The following PRRX1 variants were observed in gnomAD, a reference collection of about 807,000 sequenced individuals.
PRRX1 encodes the protein paired mesoderm homeobox protein 1.
In PRRX1, 8 loss-of-function variants were observed where a neutral mutation model predicts 24.0. The ratio of observed to expected loss-of-function variants is 0.33; its 90% CI spans 0.20 to 0.60. The LOEUF is 0.60. Among genes scored for constraint, PRRX1 ranks in the 20% least tolerant of loss-of-function variants. PRRX1 has a pLI of 0.82. For missense variants in PRRX1, 281 were observed against 322.4 expected (o/e 0.87, Z 0.98); for synonymous variants, 160 against 131.7 (o/e 1.22, Z -1.47).
chr1:170,708,801 G>A (rs554044583), intron 1 of PRRX1, among the ~76,000 whole-genome samples: 5 of 152,270 alleles, frequency 3.3e-5, no homozygotes, highest in African/African-American at 9.6e-5. Context: ...CACTGAGAAA[G>A]TGCATGAGAA....
Position 170,676,502 on chromosome 1 carries a change from G to C in PRRX1, c.241+12043G>C, listed in dbSNP as rs192707729. ...CATTTCAGCTGAATTAATATACTCA[G>C]ACTGCTGGTTTATTTAGATGACTTA... On this transcript the variant is annotated intron_variant, in intron 1 of 3. Coordinates refer to ENST00000239461, the MANE Select transcript of PRRX1 (RefSeq NM_022716.4). Among the ~76,000 whole-genome samples the C allele has an allele frequency of 2.7e-3, 412 of 151,816 alleles. 2 individuals are homozygous for C. The highest frequency in any genetic ancestry group is 9.4e-3 in the African/African-American group (389 of 41,400).
Position 170,705,010 on chromosome 1 carries a change from C to T in PRRX1, c.242-14716C>T, listed in dbSNP as rs150290298. ...TTTGAAATGTACACTGCAAAGAGTT[C>T]CAAAGGCACACATGTTATTTGGGTC... On this transcript the variant is annotated intron_variant, in intron 1 of 3. Coordinates refer to ENST00000239461, the MANE Select transcript of PRRX1 (RefSeq NM_022716.4). Among the ~76,000 whole-genome samples, 1,119 of 152,234 alleles carry T rather than the reference C, an allele frequency of 7.4e-3. 10 individuals are homozygous for T. The highest frequency in any genetic ancestry group is 0.026 in the African/African-American group (1,079 of 41,528).
intron 1 of PRRX1, among the ~76,000 whole-genome samples, chr1:170,717,171 C>A (rs1372695184): frequency 2.0e-5 from 3 of 152,202 alleles, no homozygotes; most frequent in African/African-American, 7.2e-5. Flanking sequence ...ACAACAAGAA[C>A]ATTCACTGGG....
chr1:170,699,929 C>T (rs554978044), intron 1 of PRRX1, among the ~76,000 whole-genome samples: 7 of 152,082 alleles, frequency 4.6e-5, no homozygotes, highest in Admixed American at 6.5e-5. Flanking sequence ...AGAGATGGGG[C>T]GAGGCTGGTC....
At chr1:170,675,590 G>C (rs1368340892) in intron 1 of PRRX1, among the ~76,000 whole-genome samples, 2 of 152,154 alleles carry the variant, frequency 1.3e-5, no homozygotes, top group African/African-American at 4.8e-5. Context: ...ACATGATAGT[G>C]TGGTTTGACA....
chr1:170,707,847 A>T (rs1164288322), intron 1 of PRRX1, among the ~76,000 whole-genome samples: 2 of 152,186 alleles, frequency 1.3e-5, no homozygotes, highest in Non-Finnish European at 2.9e-5. Context: ...GTAATTTAAA[A>T]ATTGGAAAAT....
At chr1:170,722,266 T>C (rs1655114658) in intron 2 of PRRX1, among the ~76,000 whole-genome samples, 1 of 152,198 alleles carries the variant, frequency 6.6e-6, no homozygotes, top group African/African-American at 2.4e-5. Flanking sequence ...ACATGAAATG[T>C]ATTATATTGA....
intron 2 of PRRX1, among the ~76,000 whole-genome samples, chr1:170,721,837 C>T (rs1558060985): frequency 3.9e-5 from 6 of 152,170 alleles, no homozygotes; most frequent in Admixed American, 3.3e-4. Flanking sequence ...AACCCCATGT[C>T]TTTTATGCCA....
rs978608372 is a variant in PRRX1 at position 170,738,140 on chromosome 1, AT to A, written c.*1959del. ...CATCCTGACCAGCTTAGTTCTAATA[AT>A]TTTTAGTTGTGAGTGATTAAAAAAC... On this transcript the variant is annotated 3_prime_UTR_variant, in exon 4 of 4. Transcript: ENST00000239461. 3 of 219,346 alleles carry A rather than the reference AT, an allele frequency of 1.4e-5. No individual in the cohort carries two copies. Among genetic ancestry groups the A allele is most frequent in the Non-Finnish European group, 1.8e-5 (2 of 109,052 alleles). The allele number at this position is 219,346 out of a possible 1,614,324, so 13.6% of individuals were successfully genotyped here.
At chr1:170,668,383 T>TAATAAGACCTTA (rs1266469777) in intron 1 of PRRX1, 3 of 152,214 alleles carry the variant, frequency 2.0e-5, no homozygotes, top group Admixed American at 1.3e-4. Flanking sequence ...CAGATTGTCC[T>TAATAAGACCTTA]AATAAGACCT....
chr1:170,733,486 A>G (rs949020480), intron 3 of PRRX1, among the ~76,000 whole-genome samples: 5 of 152,162 alleles, frequency 3.3e-5, no homozygotes. Flanking sequence ...ATGACAATCT[A>G]CAATTTGGGA....
chr1:170,730,763 T>C (rs1388477013), intron 3 of PRRX1: 2 of 195,342 alleles, frequency 1.0e-5, no homozygotes, highest in Non-Finnish European at 2.1e-5. Context: ...TGGCTTCTGC[T>C]GCTCCTCAGG....
chr1:170,683,109 G>A (rs1302723727), intron 1 of PRRX1, among the ~76,000 whole-genome samples: 2 of 152,250 alleles, frequency 1.3e-5, no homozygotes, highest in Non-Finnish European at 2.9e-5. Context: ...AAAGTGTGAT[G>A]ACAATGGGAA....
chr1:170,733,623 T>C (rs778954868), intron 3 of PRRX1, among the ~76,000 whole-genome samples: 1 of 152,152 alleles, frequency 6.6e-6, no homozygotes. Context: ...CTTCTATGTG[T>C]TTACAATTTC....
intron 1 of PRRX1, among the ~76,000 whole-genome samples, chr1:170,686,660 T>C (rs1158674774): frequency 1.3e-5 from 2 of 152,136 alleles, no homozygotes; most frequent in East Asian, 3.9e-4. Context: ...CCATGAGAGA[T>C]ATTTCCAGAA....
At chr1:170,717,379 T>C (rs1267176697) in intron 1 of PRRX1, among the ~76,000 whole-genome samples, 2 of 152,178 alleles carry the variant, frequency 1.3e-5, no homozygotes, top group Non-Finnish European at 2.9e-5. Flanking sequence ...GAACAAAACA[T>C]AAAATATTCT....
intron 1 of PRRX1, among the ~76,000 whole-genome samples, chr1:170,700,097 A>T: frequency 6.6e-6 from 1 of 152,204 alleles, no homozygotes. Flanking sequence ...TTACAAACTT[A>T]AAAATGTCCT....
intron 3 of PRRX1, 69 bp downstream of exon 3, chr1:170,726,470 C>A: frequency 1.3e-6 from 2 of 1,543,526 alleles, no homozygotes; most frequent in Non-Finnish European, 1.8e-6. Context: ...ATGTTTCAAG[C>A]TGCTTGTGCA....
Position 170,701,199 on chromosome 1 carries a change from T to A in PRRX1, c.242-18527T>A, listed in dbSNP as rs1654348347. 2.0e-5 allele frequency among the ~76,000 whole-genome samples: 3 copies of A among 152,212 alleles called. No homozygotes were observed. The South Asian group carries it at 6.2e-4, about 31-fold the overall frequency. On this transcript the variant is annotated intron_variant, in intron 1 of 3. Transcript: ENST00000239461. ...CTATTAAGTTACAGTTGATCCTTCC[T>A]TTGCATCACAGCTTTACAATATATA...
Sources: allele counts gnomAD v4.1 joint callset (sites outside exome capture counted in the v4.1 genomes callset), GRCh38; gene constraint gnomAD v4.1.1; transcripts MANE v1.5; gene names NCBI Gene and HGNC (gene_info 2026-07-23, HGNC 2026-07-21).